Variants in WDPCP observed in about 807,000 individuals in gnomAD.
WDPCP encodes WD repeat containing planar cell polarity effector.
WDPCP carries 71 observed loss-of-function variants against 93.1 expected under a neutral mutation model. That is an observed-to-expected ratio of 0.76 (90% CI 0.63 to 0.93). The LOEUF (loss-of-function observed/expected upper bound fraction) is 0.93, where lower values mean the gene tolerates loss of function less well. Among genes scored for constraint, WDPCP ranks in the 40% least tolerant of loss-of-function variants. The pLI is 0.00. For missense variants in WDPCP, 844 were observed against 887.4 expected, an observed-to-expected ratio of 0.95 and a Z score of 0.62; for synonymous variants, 315 against 315.0, an observed-to-expected ratio of 1.00 and a Z score of 0.00.
At chr2:63,579,545 G>A (rs1429662359) in intron 1 of WDPCP, among the ~76,000 whole-genome samples, 1 of 152,168 alleles carries the variant, frequency 6.6e-6, no homozygotes, top group Non-Finnish European at 1.5e-5. Flanking sequence ...AGGAGGCAGA[G>A]GTTGTGGTGA....
At chr2:63,723,908 A>C (rs1575758614) in intron 2 of WDPCP, among the ~76,000 whole-genome samples, 1 of 152,302 alleles carries the variant, frequency 6.6e-6, no homozygotes, top group Non-Finnish European at 1.5e-5. Context: ...ACTCTTGAAA[A>C]ATCTGTACAG....
At chr2:63,184,548 T>C (rs1319853106) in intron 14 of WDPCP, among the ~76,000 whole-genome samples, 1 of 152,184 alleles carries the variant, frequency 6.6e-6, no homozygotes, top group African/African-American at 2.4e-5. Flanking sequence ...ATCCCAATCT[T>C]TTACTGGCTT....
At chr2:63,550,457 CTG>C (rs1427436000) in intron 1 of WDPCP, among the ~76,000 whole-genome samples, 1 of 152,084 alleles carries the variant, frequency 6.6e-6, no homozygotes, top group Non-Finnish European at 1.5e-5. Flanking sequence ...TTATTTGACA[CTG>C]TTAACATCTC....
chr2:63,487,309 T>C, intron 3 of WDPCP, 138 bp downstream of exon 3: 1 of 612,850 alleles, frequency 1.6e-6, no homozygotes, highest in Non-Finnish European at 2.9e-6. Flanking sequence ...TCAGCATTTT[T>C]CTAAAGAACT....
rs1222969057 is a variant in WDPCP at position 63,415,909 on chromosome 2, A to G, written c.826-11252T>C. 3.3e-5 allele frequency among the ~76,000 whole-genome samples: 5 copies of G among 152,328 alleles called. No individual in the cohort carries two copies. In the South Asian group the frequency reaches 8.3e-4, roughly 25 times the overall value. On this transcript the variant is annotated intron_variant, in intron 9 of 17. Transcript: ENST00000272321. ...TGTCCAGTAGCTAATAATATAGGTA[A>G]CTTTGCTCTGAATGGTTGAAAAAGT...
intron 9 of WDPCP, among the ~76,000 whole-genome samples, chr2:63,432,677 C>G (rs1408358592): frequency 6.6e-6 from 1 of 152,074 alleles, no homozygotes; most frequent in Non-Finnish European, 1.5e-5. Flanking sequence ...AGTGCTGAGG[C>G]TGAGTTTGGT....
At chr2:63,340,163 T>C (rs915486773) in intron 12 of WDPCP, among the ~76,000 whole-genome samples, 3 of 152,206 alleles carry the variant, frequency 2.0e-5, no homozygotes, top group Non-Finnish European at 4.4e-5. Flanking sequence ...TTGCTTAGCC[T>C]ATCTTTACTG....
intron 3 of WDPCP, among the ~76,000 whole-genome samples, chr2:63,630,726 A>C (rs1709856178): frequency 6.6e-6 from 1 of 152,228 alleles, no homozygotes; most frequent in South Asian, 2.1e-4. Context: ...AGACAGAAAG[A>C]TCTGTAAGCT....
chr2:63,743,423 T>G (rs1232655027), intron 2 of WDPCP, among the ~76,000 whole-genome samples: 1 of 152,092 alleles, frequency 6.6e-6, no homozygotes, highest in East Asian at 1.9e-4. Context: ...ATTTGCTAAT[T>G]CCTTTGAATA....
chr2:63,463,537 C>A (rs1699156951), intron 6 of WDPCP, among the ~76,000 whole-genome samples: 1 of 152,110 alleles, frequency 6.6e-6, no homozygotes, highest in African/African-American at 2.4e-5. Context: ...GTAGTCAAAA[C>A]CATTTTGAAA....
Position 63,121,990 on chromosome 2 carries a change from CT to C in WDPCP, c.*15del. The C allele has an allele frequency of 6.2e-7, 1 of 1,612,806 alleles. No individual in the cohort carries two copies. The highest frequency in any genetic ancestry group is 2.2e-5 in the East Asian group (1 of 44,746). On this transcript the variant is annotated 3_prime_UTR_variant, in exon 18 of 18. Transcript: ENST00000272321. ...GTTTAGATATGAAGAAGGCAGTTTTCTTTTTTTCTTAATGTTTACACCAGAC... is the reference window on the plus strand; with the variant it reads ...GTTTAGATATGAAGAAGGCAGTTTTCTTTTTTCTTAATGTTTACACCAGAC...
At chr2:63,737,159 C>A (rs1461725848) in intron 2 of WDPCP, among the ~76,000 whole-genome samples, 1 of 152,156 alleles carries the variant, frequency 6.6e-6, no homozygotes, top group Non-Finnish European at 1.5e-5. Flanking sequence ...TGCTGGCAAT[C>A]CTTCAAGCCA....
chr2:63,234,067 C>T (rs1047240645), intron 14 of WDPCP, among the ~76,000 whole-genome samples: 23 of 151,984 alleles, frequency 1.5e-4, no homozygotes, highest in Non-Finnish European at 4.4e-5. Flanking sequence ...GTGAGGTGGC[C>T]GTAACCATAA....
intron 3 of WDPCP, among the ~76,000 whole-genome samples, chr2:63,620,757 C>T (rs528782603): frequency 6.6e-6 from 1 of 152,180 alleles, no homozygotes; most frequent in Non-Finnish European, 1.5e-5. Context: ...GGTCAACAGA[C>T]ATAAAGGAGA....
chr2:63,568,483 T>C (rs1181136438), intron 1 of WDPCP, among the ~76,000 whole-genome samples: 2 of 152,158 alleles, frequency 1.3e-5, no homozygotes, highest in Non-Finnish European at 2.9e-5. Context: ...CGTAAAGAAA[T>C]AGCACTTGAA....
intron 1 of WDPCP, among the ~76,000 whole-genome samples, chr2:63,509,869 A>C (rs1702117309): frequency 6.6e-6 from 1 of 152,202 alleles, no homozygotes. Context: ...TACCCTCCCA[A>C]GACTAAACCA....
intron 1 of WDPCP, among the ~76,000 whole-genome samples, chr2:63,583,391 T>G (rs568734747): frequency 6.6e-6 from 1 of 152,216 alleles, no homozygotes; most frequent in African/African-American, 2.4e-5. Flanking sequence ...AACCTTGAAA[T>G]TTTGAAAACC....
At chr2:63,581,282 T>A (rs1180371659) in intron 1 of WDPCP, among the ~76,000 whole-genome samples, 1 of 152,168 alleles carries the variant, frequency 6.6e-6, no homozygotes, top group African/African-American at 2.4e-5. Flanking sequence ...ACTGAAAAAC[T>A]GGAGAAGACA....
At chr2:63,548,793 C>A (rs764295303) in intron 1 of WDPCP, among the ~76,000 whole-genome samples, 1 of 151,842 alleles carries the variant, frequency 6.6e-6, no homozygotes, top group Non-Finnish European at 1.5e-5. Context: ...TCATGCCCAG[C>A]AAAACACATT....
Sources: allele counts gnomAD v4.1 joint callset (sites outside exome capture counted in the v4.1 genomes callset), GRCh38; gene constraint gnomAD v4.1.1; transcripts MANE v1.5; gene names NCBI Gene and HGNC (gene_info 2026-07-23, HGNC 2026-07-21).